MYRFL: variants seen among roughly 807,000 people sequenced by gnomAD.
MYRFL encodes the protein myelin regulatory factor-like protein.
MYRFL carries 88 observed loss-of-function variants against 109.4 expected under a neutral mutation model. That is an observed-to-expected ratio of 0.80 (90% CI 0.68 to 0.96). The LOEUF is 0.96. Among genes scored for constraint, MYRFL ranks in the 40% least tolerant of loss-of-function variants. The pLI, the probability that MYRFL is intolerant of heterozygous loss-of-function variation, is 0.00. For missense variants in MYRFL, 957 were observed against 954.9 expected, an observed-to-expected ratio of 1.00 and a Z score of -0.03; for synonymous variants, 324 against 320.9, an observed-to-expected ratio of 1.01 and a Z score of -0.10.
At position 69,894,711 on chromosome 12, in the gene MYRFL, C is replaced by T. The variant is rs114783424; in HGVS notation, c.981-660C>T. 1.5e-3 allele frequency among the ~76,000 whole-genome samples: 225 copies of T among 152,324 alleles called. 1 individual carries two copies. The highest frequency in any genetic ancestry group is 4.6e-3 in the African/African-American group (190 of 41,580). On this transcript the variant is annotated intron_variant, in intron 8 of 24. Transcript: ENST00000552032. The stretch of plus-strand genomic sequence containing the variant: ...AGCTAGAGTCCTCTCTGTAGGATGA[C>T]TTAGAATGAATGGGATTTGCTTTCT...
intron 1 of MYRFL, among the ~76,000 whole-genome samples, chr12:69,835,985 G>C (rs537983374): frequency 6.6e-6 from 1 of 152,344 alleles, no homozygotes; most frequent in South Asian, 2.1e-4. Context: ...AAGGACAAGA[G>C]GGCTTTCTTT....
chr12:69,867,079 T>C (rs1368456170), intron 2 of MYRFL, among the ~76,000 whole-genome samples: 1 of 152,252 alleles, frequency 6.6e-6, no homozygotes, highest in African/African-American at 2.4e-5. Flanking sequence ...TGAAGGTTTG[T>C]GTAAATTGCC....
At chr12:69,872,791 G>C (rs921470884) in intron 2 of MYRFL, among the ~76,000 whole-genome samples, 1 of 151,798 alleles carries the variant, frequency 6.6e-6, no homozygotes, top group Non-Finnish European at 1.5e-5. Context: ...GAGCCACCAC[G>C]CCTGGCCTTT....
At position 69,897,242 on chromosome 12, in the gene MYRFL, T is replaced by C. The variant is rs1954025465; in HGVS notation, c.1178T>C (p.Val393Ala). The stretch of plus-strand genomic sequence containing the variant: ...GCCCACATCTCTGAAAGGATCATTG[T>C]AAGGGTAAGCTCAGTTCTCTGACTT... ...LSAHISERII[V>A]RASNPGQFEN... is the part of the protein sequence containing the mutation. Residue 393 changes from valine to alanine, a missense_variant, in exon 10 of 25, where the codon GTA becomes GCA. Coordinates refer to ENST00000552032, the MANE Select transcript of MYRFL (RefSeq NM_182530.3). The C allele has an allele frequency of 6.5e-7, 1 of 1,535,444 alleles. No individual in the cohort carries two copies. The highest frequency in any genetic ancestry group is 8.7e-7 in the Non-Finnish European group (1 of 1,146,304).
At chr12:69,842,184 C>T (rs1002984284) in intron 1 of MYRFL, among the ~76,000 whole-genome samples, 4 of 152,218 alleles carry the variant, frequency 2.6e-5, no homozygotes, top group East Asian at 3.8e-4. Context: ...GAAGTTTATG[C>T]TGGCAATGTC....
In MYRFL at chr12:69,952,756, T is replaced by G. The variant is rs948052162; in HGVS notation, c.2288-43T>G. The G allele has an allele frequency of 2.2e-6, 3 of 1,365,296 alleles. No homozygotes were observed. In the African/African-American group the frequency reaches 4.4e-5, roughly 20 times the overall value. The allele number at this position is 1,365,296 out of a possible 1,614,324, so 84.6% of individuals were successfully genotyped here. A position where few individuals can be genotyped will look rare whatever the true frequency, so the allele number is the denominator to read the frequency against. On this transcript the variant is annotated intron_variant, in intron 20 of 24. Transcript: ENST00000552032. ...GCTGGAATACAATATTCTTTTTCCT[T>G]TCAGAAGAGTTTATTTACTTTGTCT...
At chr12:69,826,352 G>C (rs947635669) in intron 1 of MYRFL, among the ~76,000 whole-genome samples, 8 of 152,120 alleles carry the variant, frequency 5.3e-5, no homozygotes, top group Non-Finnish European at 1.2e-4. Context: ...CCTGGGTCAT[G>C]CTTGGCACAT....
At chr12:69,830,992 C>T (rs937593586) in intron 1 of MYRFL, among the ~76,000 whole-genome samples, 1 of 152,108 alleles carries the variant, frequency 6.6e-6, no homozygotes, top group East Asian at 1.9e-4. Context: ...ACATTCAATA[C>T]ATGGACAATT....
At chr12:69,931,119 C>A (rs1955259403) in intron 15 of MYRFL, among the ~76,000 whole-genome samples, 1 of 152,174 alleles carries the variant, frequency 6.6e-6, no homozygotes, top group South Asian at 2.1e-4. Context: ...AACTCTAAGT[C>A]TGACTCCAGG....
At chr12:69,878,901 C>G (rs913828880) in intron 2 of MYRFL, 127 bp from the exon 3 acceptor site, 2 of 659,716 alleles carry the variant, frequency 3.0e-6, no homozygotes, top group Non-Finnish European at 5.5e-6. Context: ...AAACCCCTCA[C>G]CCCCCCATGC....
intron 19 of MYRFL, among the ~76,000 whole-genome samples, chr12:69,950,279 A>G (rs760668095): frequency 6.6e-6 from 1 of 152,142 alleles, no homozygotes; most frequent in Non-Finnish European, 1.5e-5. Context: ...TTAACAGGAT[A>G]TGTTAAGCAG....
intron 2 of MYRFL, among the ~76,000 whole-genome samples, chr12:69,865,717 C>T (rs975647011): frequency 5.9e-5 from 9 of 152,022 alleles, no homozygotes; most frequent in Admixed American, 5.9e-4. Flanking sequence ...TTTTAGTCTC[C>T]GTGATAATAA....
intron 19 of MYRFL, among the ~76,000 whole-genome samples, chr12:69,937,831 T>C (rs1955517145): frequency 6.6e-6 from 1 of 152,248 alleles, no homozygotes; most frequent in Non-Finnish European, 1.5e-5. Context: ...ATCCTAGTCT[T>C]GGTTAAATAA....
At chr12:69,865,970 CT>C (rs1372607605) in intron 2 of MYRFL, among the ~76,000 whole-genome samples, 2 of 152,118 alleles carry the variant, frequency 1.3e-5, no homozygotes, top group Non-Finnish European at 2.9e-5. Context: ...TCTCTTAACT[CT>C]TCCAAATAGG....
rs530674855 is a variant in MYRFL at position 69,898,564 on chromosome 12, A to T, written c.1182+1318A>T. On this transcript the variant is annotated intron_variant, in intron 10 of 24. Coordinates refer to ENST00000552032, the MANE Select transcript of MYRFL (RefSeq NM_182530.3). ...GACATCTTATTTGATGTAATCTGGA[A>T]TTGCCTTGCTGTGCTGACAAATCTG... Among the ~76,000 whole-genome samples the T allele has an allele frequency of 1.4e-3, 217 of 152,344 alleles. 2 individuals are homozygous for T. The highest frequency in any genetic ancestry group is 2.3e-3 in the Non-Finnish European group (154 of 68,042).
intron 6 of MYRFL, among the ~76,000 whole-genome samples, chr12:69,888,358 C>T (rs1886584645): frequency 6.6e-6 from 1 of 152,154 alleles, no homozygotes; most frequent in African/African-American, 2.4e-5. Context: ...GAAAAACACC[C>T]ATCTTTTCTT....
Position 69,848,624 on chromosome 12 carries a change from A to T in MYRFL, c.47-6656A>T, listed in dbSNP as rs146781940. 4.7e-3 allele frequency among the ~76,000 whole-genome samples: 720 copies of T among 152,218 alleles called. 9 individuals are homozygous for T. Among genetic ancestry groups the T allele is most frequent in the African/African-American group, 0.016 (671 of 41,538 alleles). On this transcript the variant is annotated intron_variant, in intron 1 of 24. Coordinates refer to ENST00000552032, the MANE Select transcript of MYRFL (RefSeq NM_182530.3). ...CTTATTGAAGTTGCCTATTATTTTA[A>T]ACAAGTTTTAGTTGGTATTCTTTGA...
At chr12:69,890,654 G>A (rs1427210300) in intron 6 of MYRFL, among the ~76,000 whole-genome samples, 1 of 152,178 alleles carries the variant, frequency 6.6e-6, no homozygotes, top group Non-Finnish European at 1.5e-5. Context: ...AGAATTGCTT[G>A]GACCCAGGAG....
chr12:69,828,681 A>G lies in MYRFL; in HGVS notation c.46+3118A>G, dbSNP rs79462416. Among the ~76,000 whole-genome samples, 966 of 152,234 alleles carry G rather than the reference A, an allele frequency of 6.3e-3. 10 individuals carry two copies. Among genetic ancestry groups the G allele is most frequent in the East Asian group, 0.048 (246 of 5,178 alleles). Reference sequence around the variant, plus strand: ...CCAAGCGCCGTGCTATTTACTTTACATCATATCATTTTATTCTTACAACAA... The same window carrying G: ...CCAAGCGCCGTGCTATTTACTTTACGTCATATCATTTTATTCTTACAACAA... On this transcript the variant is annotated intron_variant, in intron 1 of 24. Transcript: ENST00000552032.
Sources: allele counts gnomAD v4.1 joint callset (sites outside exome capture counted in the v4.1 genomes callset), GRCh38; gene constraint gnomAD v4.1.1; transcripts MANE v1.5; gene names NCBI Gene and HGNC (gene_info 2026-07-23, HGNC 2026-07-21).